Variants in ATP6V0A1 observed in about 807,000 individuals in gnomAD.
The protein encoded by ATP6V0A1 is V-type proton ATPase 116 kDa subunit a 1.
Under a neutral mutation model 105.4 loss-of-function variants are expected in ATP6V0A1, and 43 were observed. That is an observed-to-expected ratio of 0.41 (90% CI 0.32 to 0.53). The LOEUF (loss-of-function observed/expected upper bound fraction) is 0.53. ATP6V0A1 is among the 20% of genes least tolerant of loss of function. ATP6V0A1 has a pLI of 0.30. For synonymous variants in ATP6V0A1, 362 were observed against 372.8 expected, an observed-to-expected ratio of 0.97 and a Z score of 0.33; for missense variants, 676 against 1,051.1, an observed-to-expected ratio of 0.64 and a Z score of 4.93.
intron 17 of ATP6V0A1, among the ~76,000 whole-genome samples, chr17:42,504,160 A>G (rs2091874456): frequency 6.6e-6 from 1 of 152,226 alleles, no homozygotes; most frequent in Non-Finnish European, 1.5e-5. Context: ...CATCAGGATG[A>G]TCAGTCTACA....
Position 42,480,682 on chromosome 17 carries a change from A to C in ATP6V0A1, c.649A>C (p.Lys217Gln). The change falls in exon 8 of 22, where the codon AAG becomes CAG. Residue 217 changes from lysine to glutamine, a missense_variant. Physicochemically the swap from Lys to Gln is moderately conservative, Grantham distance 53 (BLOSUM62 1). Around this residue, in one of 3 missense-constraint regions of ATP6V0A1, gnomAD observed 239 missense variants for 388.4 expected, o/e 0.62. Transcript: ENST00000343619. Reference sequence around the variant, plus strand: ...TGGGGCCTAGGGCGACTACGTGCACAAGTCTGTGTTTATCATTTTCTTCCA... The same window carrying C: ...TGGGGCCTAGGGCGACTACGTGCACCAGTCTGTGTTTATCATTTTCTTCCA... ...EDPVTGDYVH[K>Q]SVFIIFFQGD... 1 of 1,613,452 alleles carries C rather than the reference A, an allele frequency of 6.2e-7. No individual in the cohort carries two copies. Among genetic ancestry groups the C allele is most frequent in the Non-Finnish European group, 8.5e-7 (1 of 1,179,730 alleles).
intron 19 of ATP6V0A1, 133 bp downstream of exon 19, chr17:42,508,722 T>C: frequency 2.4e-6 from 3 of 1,240,012 alleles, no homozygotes; most frequent in Non-Finnish European, 3.5e-6. Flanking sequence ...TCACTGGCCA[T>C]TTCAAACCAG....
chr17:42,485,960 A>G (rs2090066529), intron 9 of ATP6V0A1, among the ~76,000 whole-genome samples: 1 of 152,218 alleles, frequency 6.6e-6, no homozygotes, highest in African/African-American at 2.4e-5. Context: ...AAAACAAAGG[A>G]AGTCACCTTC....
chr17:42,468,101 CT>C lies in ATP6V0A1; in HGVS notation c.290del (p.Leu97Ter). The C allele has an allele frequency of 6.3e-7, 1 of 1,587,390 alleles. No homozygotes were observed. The highest frequency in any genetic ancestry group is 2.3e-5 in the East Asian group (1 of 43,232). On this transcript the variant is annotated frameshift_variant, in exon 4 of 22. Coordinates refer to ENST00000343619, the MANE Select transcript of ATP6V0A1 (RefSeq NM_001130021.3). LOFTEE classifies it high-confidence loss of function. ...EVPFPRDMID[L>X]EANFEKIENE... ...TTCCCTTCCCCCGGGACATGATTGA[CT>C]TAGAGGTAAACACTTCTGGGAAAAC...
intron 5 of ATP6V0A1, among the ~76,000 whole-genome samples, chr17:42,476,417 A>G (rs1289163168): frequency 1.3e-5 from 2 of 152,136 alleles, no homozygotes; most frequent in Admixed American, 1.3e-4. Flanking sequence ...GTAGAATCAA[A>G]TTGAAATTTG....
Position 42,521,205 on chromosome 17 carries a change from G to T in ATP6V0A1, c.*85G>T. Reference sequence around the variant, plus strand: ...CTGTGCCTCTCTGCCTGTTGGTTGTGATCTGTGGGCACCAGCTCATTCGTG... The same window carrying T: ...CTGTGCCTCTCTGCCTGTTGGTTGTTATCTGTGGGCACCAGCTCATTCGTG... On this transcript the variant is annotated 3_prime_UTR_variant, in exon 22 of 22. Transcript: ENST00000343619. The surrounding 1 kb of genome is among the most constrained non-coding windows in gnomAD (Gnocchi z 4.8). The T allele has an allele frequency of 8.0e-7, 1 of 1,248,752 alleles. No individual in the cohort carries two copies. The highest frequency in any genetic ancestry group is 1.1e-6 in the Non-Finnish European group (1 of 900,302). 77.4% of individuals were successfully genotyped at this position (1,248,752 alleles called of 1,614,324 possible). A position where few individuals can be genotyped will look rare whatever the true frequency, so the allele number is the denominator to read the frequency against.
intron 14 of ATP6V0A1, chr17:42,495,926 GC>G (rs2091117315): frequency 2.2e-6 from 1 of 451,462 alleles, no homozygotes; most frequent in South Asian, 2.3e-5. Flanking sequence ...TAAAATATTA[GC>G]CGGGCGTGGT....
chr17:42,480,395 A>G (rs1218489248), intron 7 of ATP6V0A1: 1 of 260,182 alleles, frequency 3.8e-6, no homozygotes, highest in African/African-American at 2.2e-5. Context: ...AAATAAGTCT[A>G]AACAGTGCTA....
rs549090728 is a variant in ATP6V0A1, at chr17:42,477,069, C to T, written c.424-591C>T. 1.6e-4 allele frequency among the ~76,000 whole-genome samples: 24 copies of T among 152,286 alleles called. No individual in the cohort carries two copies. In the South Asian group the frequency reaches 1.9e-3, roughly 12 times the overall value. ...TTAAAGGGGCTGGAAACGTAGATAC[C>T]TGGAGCTTCCCCTTCTGTCTTTCTC... On this transcript the variant is annotated intron_variant, in intron 5 of 21. Coordinates refer to ENST00000343619, the MANE Select transcript of ATP6V0A1 (RefSeq NM_001130021.3).
intron 5 of ATP6V0A1, among the ~76,000 whole-genome samples, chr17:42,474,324 CT>C (rs79615709): frequency 0.013 from 1,848 of 146,450 alleles, 41 homozygotes; most frequent in African/African-American, 0.04. Flanking sequence ...TTATTCAAAA[CT>C]TTTTTTTTTT....
At position 42,501,110 on chromosome 17, in the gene ATP6V0A1, G is replaced by C. The variant is rs981889315; in HGVS notation, c.1897-87G>C. On this transcript the variant is annotated intron_variant, in intron 16 of 21. Transcript: ENST00000343619. ...CATAGATTAGTAAGAAAGTACTGTTGGGGGAAATTTGTGCCATATTTGGAA... is the reference window on the plus strand; with the variant it reads ...CATAGATTAGTAAGAAAGTACTGTTCGGGGAAATTTGTGCCATATTTGGAA... 2.5e-6 allele frequency: 3 copies of C among 1,204,890 alleles called. No individual in the cohort carries two copies. In the African/African-American group the frequency reaches 4.6e-5, roughly 18 times the overall value. 74.6% of individuals were successfully genotyped at this position (1,204,890 alleles called of 1,614,324 possible).
chr17:42,491,478 T>A (rs2145981496), intron 11 of ATP6V0A1, among the ~76,000 whole-genome samples: 1 of 150,090 alleles, frequency 6.7e-6, no homozygotes, highest in East Asian at 2.0e-4. Flanking sequence ...GCCCGGCTAA[T>A]TTTTTTTTTA....
intron 19 of ATP6V0A1, chr17:42,509,897 T>G (rs953070335): frequency 2.6e-5 from 4 of 152,164 alleles, no homozygotes; most frequent in African/African-American, 9.7e-5. Flanking sequence ...ACATTTTATC[T>G]TTATCAGGCA....
chr17:42,466,507 C>T lies in ATP6V0A1; in HGVS notation c.196C>T (p.Arg66Ter). The change falls in exon 3 of 22, where the codon CGA becomes TGA. Residue 66 changes from arginine (R) to a stop codon, truncating the protein, a stop_gained and splice_region_variant. Transcript: ENST00000343619. LOFTEE classifies it high-confidence loss of function. ...ATGTGAAGAAATGGATCGAAAGCTT[C>T]GTATGTGCACTTTGGTCTTGTGTAA... ...RRCEEMDRKL[R>*]FVEKEIRKAN... 6.2e-7 allele frequency: 1 copy of T among 1,611,444 alleles called. No homozygotes were observed. The highest frequency in any genetic ancestry group is 1.7e-5 in the Admixed American group (1 of 59,988).
At chr17:42,518,560 AGGGAAGCG>A (rs1317074564) in intron 21 of ATP6V0A1, 1 of 152,350 alleles carries the variant, frequency 6.6e-6, no homozygotes, top group Non-Finnish European at 1.5e-5. Flanking sequence ...CCACCAGGGA[AGGGAAGCG>A]GCCCCAAGAC....
rs1344107646 is a variant in ATP6V0A1, at chr17:42,508,587, G to A, written c.2128G>A (p.Val710Met). Residue 710 changes from valine (V) to methionine (M), a missense_variant and splice_region_variant, in exon 19 of 22, where the codon GTG (valine) becomes ATG (methionine). Val to Met is a conservative substitution (Grantham distance 21, BLOSUM62 1). This residue lies in a region of ATP6V0A1 where 435 missense variants were observed against 642.2 expected (regional missense o/e 0.68). Transcript: ENST00000343619. ...TGTTTTCAAGCCTTCCGAGGACGAA[G>A]TGGTAAGATGAAAGCTGGCGTTGCC... Reference protein sequence around the residue: ...EDADEPSEDEVFDFGDTMVHQ... With the variant: ...EDADEPSEDEMFDFGDTMVHQ... 1 of 1,613,886 alleles carries A rather than the reference G, an allele frequency of 6.2e-7. No individual in the cohort carries two copies. The highest frequency in any genetic ancestry group is 8.5e-7 in the Non-Finnish European group (1 of 1,179,902).
At chr17:42,499,463 T>A (rs1254262728) in intron 15 of ATP6V0A1, among the ~76,000 whole-genome samples, 1 of 151,090 alleles carries the variant, frequency 6.6e-6, no homozygotes, top group African/African-American at 2.4e-5. Context: ...AGAGTGAGAC[T>A]CTGCCTCAAA....
intron 5 of ATP6V0A1, among the ~76,000 whole-genome samples, chr17:42,471,719 G>A (rs553964523): frequency 6.6e-6 from 1 of 152,044 alleles, no homozygotes; most frequent in Non-Finnish European, 1.5e-5. Context: ...GGGGGACAGA[G>A]CAAGACTGTC....
Position 42,472,596 on chromosome 17 carries a change from C to T in ATP6V0A1, c.423+2378C>T, listed in dbSNP as rs915973346. Among the ~76,000 whole-genome samples the T allele has an allele frequency of 6.6e-5, 10 of 151,860 alleles. 1 individual carries two copies. In the South Asian group the frequency reaches 8.3e-4, roughly 13 times the overall value. Reference sequence around the variant, plus strand: ...AAAATTAGCCAGGCATGGTGGCGGGCGCCTATAATCCCAGCTATTCATGAG... The same window carrying T: ...AAAATTAGCCAGGCATGGTGGCGGGTGCCTATAATCCCAGCTATTCATGAG... On this transcript the variant is annotated intron_variant, in intron 5 of 21. Coordinates refer to ENST00000343619, the MANE Select transcript of ATP6V0A1 (RefSeq NM_001130021.3).
Sources: allele counts gnomAD v4.1 joint callset (sites outside exome capture counted in the v4.1 genomes callset), GRCh38; gene constraint gnomAD v4.1.1; regional missense constraint gnomAD v4.1.1; non-coding constraint Gnocchi (gnomAD v3.1); transcripts MANE v1.5; gene names NCBI Gene and HGNC (gene_info 2026-07-23, HGNC 2026-07-21).